VAV3: variants seen among roughly 807,000 people sequenced by gnomAD.
The protein encoded by VAV3 is guanine nucleotide exchange factor VAV3.
VAV3 carries 94 observed loss-of-function variants against 131.2 expected under a neutral mutation model. The ratio of observed to expected loss-of-function variants is 0.72; its 90% CI spans 0.61 to 0.85. VAV3 has a LOEUF of 0.85. Among genes scored for constraint, VAV3 ranks in the 40% least tolerant of loss-of-function variants. The pLI, the probability that VAV3 is intolerant of heterozygous loss-of-function variation, is 0.00. For missense variants in VAV3, 939 were observed against 1,002.7 expected, an observed-to-expected ratio of 0.94 and a Z score of 0.86; for synonymous variants, 349 against 342.0, an observed-to-expected ratio of 1.02 and a Z score of -0.22.
At chr1:107,749,310 A>G in intron 14 of VAV3, 152 bp downstream of exon 14, 1 of 928,746 alleles carries the variant, frequency 1.1e-6, no homozygotes. Context: ...GGCATTATCC[A>G]GTTATTTCTC....
At chr1:107,652,015 C>G (rs926790110) in intron 19 of VAV3, among the ~76,000 whole-genome samples, 2 of 152,078 alleles carry the variant, frequency 1.3e-5, no homozygotes, top group African/African-American at 4.8e-5. Flanking sequence ...CAGAGCAACG[C>G]CATCTTGAAT....
intron 20 of VAV3, among the ~76,000 whole-genome samples, chr1:107,635,198 T>G (rs1482502603): frequency 6.6e-6 from 1 of 151,988 alleles, no homozygotes; most frequent in African/African-American, 2.4e-5. Context: ...CTATTCACAA[T>G]AGCAAAGACT....
chr1:107,652,433 T>C (rs1004311414), intron 19 of VAV3, among the ~76,000 whole-genome samples: 17 of 152,150 alleles, frequency 1.1e-4, no homozygotes, highest in African/African-American at 3.9e-4. Context: ...TTTACTTTCT[T>C]AATAAAGTTG....
intron 2 of VAV3, among the ~76,000 whole-genome samples, chr1:107,794,467 C>T (rs1666442876): frequency 6.6e-6 from 1 of 152,126 alleles, no homozygotes. Context: ...AAAAAATTCT[C>T]TTGATTTTGA....
chr1:107,675,995 A>C (rs1190951416), intron 19 of VAV3, among the ~76,000 whole-genome samples: 1 of 152,240 alleles, frequency 6.6e-6, no homozygotes, highest in Non-Finnish European at 1.5e-5. Flanking sequence ...ACTATCAAAC[A>C]GAGGATCCTA....
At chr1:107,934,126 T>C (rs1673592158) in intron 1 of VAV3, among the ~76,000 whole-genome samples, 1 of 152,232 alleles carries the variant, frequency 6.6e-6, no homozygotes, top group Non-Finnish European at 1.5e-5. Flanking sequence ...AAAAGTGCCT[T>C]CTATTCTTAT....
In VAV3 at chr1:107,757,440, G is replaced by C. The variant is rs1664174164; in HGVS notation, c.1018-111C>G. ...ATTATTGGTTTTCTCTCTATAATGTGATAAATCTAATATGTCTGGGCTCCA... is the reference window on the plus strand; with the variant it reads ...ATTATTGGTTTTCTCTCTATAATGTCATAAATCTAATATGTCTGGGCTCCA... On this transcript the variant is annotated intron_variant, in intron 10 of 26. Coordinates refer to ENST00000370056, the MANE Select transcript of VAV3 (RefSeq NM_006113.5). 15 of 932,940 alleles carry C rather than the reference G, an allele frequency of 1.6e-5. 1 individual carries two copies. In the South Asian group the frequency reaches 3.1e-4, roughly 19 times the overall value. 57.8% of individuals were successfully genotyped at this position (932,940 alleles called of 1,614,324 possible). A position where few individuals can be genotyped will look rare whatever the true frequency, so the allele number is the denominator to read the frequency against.
intron 2 of VAV3, among the ~76,000 whole-genome samples, chr1:107,821,951 A>G (rs548732924): frequency 6.6e-6 from 1 of 152,290 alleles, no homozygotes; most frequent in East Asian, 1.9e-4. Context: ...TTTGGAGCAG[A>G]AAGTGGGCAC....
chr1:107,765,276 G>T (rs1664678263), intron 8 of VAV3, 101 bp from the exon 9 acceptor site: 2 of 861,288 alleles, frequency 2.3e-6, no homozygotes, highest in Admixed American at 4.5e-5. Context: ...CATTGTTAGG[G>T]ATAACCAAAA....
chr1:107,872,135 A>G (rs1670282800), intron 2 of VAV3, among the ~76,000 whole-genome samples: 2 of 152,160 alleles, frequency 1.3e-5, no homozygotes, highest in Admixed American at 6.6e-5. Flanking sequence ...GAGAAGCCAG[A>G]GGCCTGAGCT....
intron 15 of VAV3, 76 bp downstream of exon 15, chr1:107,748,892 A>G (rs910097017): frequency 3.7e-6 from 4 of 1,090,510 alleles, no homozygotes; most frequent in Admixed American, 5.0e-5. Flanking sequence ...ATTAGAGTAC[A>G]CTTATTGGTT....
In VAV3 at chr1:107,897,070, G is replaced by A. The variant is rs564485037; in HGVS notation, c.205-22053C>T. On this transcript the variant is annotated intron_variant, in intron 1 of 26. Transcript: ENST00000370056. ...AACAGTACCCAGATGGCAACACAAGGAGCCGGAGCAGCACTGACACCTGCC... is the reference window on the plus strand; with the variant it reads ...AACAGTACCCAGATGGCAACACAAGAAGCCGGAGCAGCACTGACACCTGCC... 3.3e-5 allele frequency among the ~76,000 whole-genome samples: 5 copies of A among 152,054 alleles called. No individual in the cohort carries two copies. In the South Asian group the frequency reaches 1.0e-3, roughly 32 times the overall value.
intron 2 of VAV3, among the ~76,000 whole-genome samples, chr1:107,791,588 A>G (rs1557849910): frequency 6.6e-6 from 1 of 152,156 alleles, no homozygotes; most frequent in Non-Finnish European, 1.5e-5. Flanking sequence ...CTTTTGAAAA[A>G]CACTAATGTC....
intron 17 of VAV3, among the ~76,000 whole-genome samples, chr1:107,700,860 TTTGAGGGA>T (rs1245722719): frequency 2.6e-5 from 4 of 152,186 alleles, no homozygotes; most frequent in Admixed American, 1.3e-4. Flanking sequence ...GTTCTAGGTC[TTTGAGGGA>T]TTGCCACACT....
intron 19 of VAV3, among the ~76,000 whole-genome samples, chr1:107,642,995 A>G (rs1451250195): frequency 6.6e-6 from 1 of 152,150 alleles, no homozygotes; most frequent in Non-Finnish European, 1.5e-5. Context: ...CCTTACCATC[A>G]ATCTCTTTTT....
chr1:107,722,257 ATTAC>A (rs1194522570), intron 15 of VAV3, among the ~76,000 whole-genome samples: 1 of 152,162 alleles, frequency 6.6e-6, no homozygotes, highest in Admixed American at 6.5e-5. Context: ...CTCAAAACTA[ATTAC>A]ATTAGAGAAA....
intron 2 of VAV3, among the ~76,000 whole-genome samples, chr1:107,780,218 T>C (rs1380662140): frequency 1.3e-5 from 2 of 152,224 alleles, no homozygotes; most frequent in East Asian, 1.9e-4. Context: ...TACATTATCG[T>C]GAGGATTAAA....
intron 2 of VAV3, among the ~76,000 whole-genome samples, chr1:107,826,476 T>C (rs1375712702): frequency 1.3e-5 from 2 of 152,208 alleles, no homozygotes; most frequent in Non-Finnish European, 2.9e-5. Context: ...TCCTGCATTA[T>C]AGTTCACAGT....
chr1:107,788,545 C>T (rs372533839), intron 2 of VAV3, among the ~76,000 whole-genome samples: 1 of 152,174 alleles, frequency 6.6e-6, no homozygotes, highest in African/African-American at 2.4e-5. Flanking sequence ...CAAACTGGGA[C>T]CAGCAATACT....
Sources: allele counts gnomAD v4.1 joint callset (sites outside exome capture counted in the v4.1 genomes callset), GRCh38; gene constraint gnomAD v4.1.1; transcripts MANE v1.5; gene names NCBI Gene and HGNC (gene_info 2026-07-23, HGNC 2026-07-21).